The following LRRFIP2 variants were observed in gnomAD, a reference collection of about 807,000 sequenced individuals.
LRRFIP2 encodes the protein leucine-rich repeat flightless-interacting protein 2.
A neutral mutation model predicts 125.9 loss-of-function variants in LRRFIP2; 109 were observed. The ratio of observed to expected loss-of-function variants is 0.87; its 90% CI spans 0.74 to 1.01. The LOEUF (loss-of-function observed/expected upper bound fraction) is 1.01. Among genes scored for constraint, LRRFIP2 ranks in the 50% least tolerant of loss-of-function variants. The probability of loss-of-function intolerance (pLI) is 0.00; values close to 1 mark genes in which losing one functional copy is unlikely to be tolerated. For missense variants in LRRFIP2, 850 were observed against 862.3 expected (o/e 0.99, Z 0.18); for synonymous variants, 291 against 293.1 (o/e 0.99, Z 0.07).
At chr3:37,140,653 C>CA (rs577510997) in intron 2 of LRRFIP2, among the ~76,000 whole-genome samples, 3,158 of 61,976 alleles carry the variant, frequency 0.051, 98 homozygotes, top group African/African-American at 0.14. Flanking sequence ...ATTCTGTCTC[C>CA]AAAAAAAAAA....
At chr3:37,154,014 A>AAAAAAAG (rs1442786474) in intron 1 of LRRFIP2, among the ~76,000 whole-genome samples, 1 of 52,488 alleles carries the variant, frequency 1.9e-5, no homozygotes, top group African/African-American at 7.4e-5. Context: ...CTGTCTTTAC[A>AAAAAAAG]AAAAAAAAAA....
chr3:37,160,506 G>A (rs902624339), intron 1 of LRRFIP2, among the ~76,000 whole-genome samples: 1 of 152,092 alleles, frequency 6.6e-6, no homozygotes, highest in Non-Finnish European at 1.5e-5. Flanking sequence ...AGGGTCGGGC[G>A]CAGTGTCTCA....
chr3:37,145,076 T>C (rs2095822697), intron 2 of LRRFIP2, among the ~76,000 whole-genome samples: 1 of 152,242 alleles, frequency 6.6e-6, no homozygotes, highest in Non-Finnish European at 1.5e-5. Context: ...TACTGCTCTA[T>C]TTCCTAGCAA....
At chr3:37,151,251 C>T (rs1446156123) in intron 1 of LRRFIP2, among the ~76,000 whole-genome samples, 4 of 151,702 alleles carry the variant, frequency 2.6e-5, no homozygotes, top group South Asian at 4.2e-4. Context: ...CCCAGGTACT[C>T]GGGAGGCTGA....
chr3:37,066,277 CTCGCTCATT>C lies in LRRFIP2; in HGVS notation c.1504_1512del (p.Asn502_Arg504del). The C allele has an allele frequency of 3.7e-6, 6 of 1,614,162 alleles. No homozygotes were observed. Among genetic ancestry groups the C allele is most frequent in the Non-Finnish European group, 5.1e-6 (6 of 1,179,988 alleles). On this transcript the variant is annotated inframe_deletion, in exon 22 of 28. Coordinates refer to ENST00000336686, the MANE Select transcript of LRRFIP2 (RefSeq NM_006309.4). ...TCAGCCAGCTCCTCTCTGAGCATATCTCGCTCATTCCTAAGGCAGGCAATGTATTCTTTC... is the reference window on the plus strand; with the variant it reads ...TCAGCCAGCTCCTCTCTGAGCATATCCCTAAGGCAGGCAATGTATTCTTTC...
At chr3:37,152,378 C>T (rs1323658049) in intron 1 of LRRFIP2, among the ~76,000 whole-genome samples, 2 of 152,156 alleles carry the variant, frequency 1.3e-5, no homozygotes, top group African/African-American at 4.8e-5. Flanking sequence ...ACTAAAATCT[C>T]AGAAATCACC....
chr3:37,065,468 A>T, intron 23 of LRRFIP2: 2 of 450,722 alleles, frequency 4.4e-6, no homozygotes, highest in South Asian at 3.2e-5. Flanking sequence ...AACACACTTG[A>T]GAAGTCTCCT....
intron 19 of LRRFIP2, among the ~76,000 whole-genome samples, chr3:37,083,306 C>G (rs947718556): frequency 6.6e-6 from 1 of 152,080 alleles, no homozygotes; most frequent in Non-Finnish European, 1.5e-5. Flanking sequence ...TGGAGCTTTG[C>G]GGGAGTTCCA....
chr3:37,112,856 A>T (rs1174922552), intron 8 of LRRFIP2, 59 bp downstream of exon 8: 1 of 940,546 alleles, frequency 1.1e-6, no homozygotes, highest in Admixed American at 2.0e-5. Context: ...AAGCAATCAT[A>T]ATCCTTAAGT....
chr3:37,086,562 T>C (rs1225108190), intron 18 of LRRFIP2, among the ~76,000 whole-genome samples: 1 of 152,100 alleles, frequency 6.6e-6, no homozygotes, highest in Non-Finnish European at 1.5e-5. Flanking sequence ...GACTGACAGA[T>C]AACATGACAT....
In LRRFIP2 at chr3:37,066,312, T is replaced by C. The variant is rs774611636; in HGVS notation, c.1478A>G (p.Gln493Arg). The change falls in exon 22 of 28, where the codon CAG (glutamine) becomes CGG (arginine). Residue 493 changes from glutamine to arginine, a missense_variant. Physicochemically the swap from Gln to Arg is conservative, Grantham distance 43. Transcript: ENST00000336686. ...KDKKIGALEK[Q>R]KEYIACLRNE... ...CCTAAGGCAGGCAATGTATTCTTTC[T>C]GTTTCTCTAGGGCCTGGTTTTAGGT... 1.2e-6 allele frequency: 2 copies of C among 1,614,094 alleles called. No homozygotes were observed. The highest frequency in any genetic ancestry group is 3.3e-5 in the Admixed American group (2 of 60,020).
At chr3:37,102,119 C>G (rs574022059) in intron 15 of LRRFIP2, among the ~76,000 whole-genome samples, 1 of 152,100 alleles carries the variant, frequency 6.6e-6, no homozygotes, top group Non-Finnish European at 1.5e-5. Context: ...AAGGAAAATA[C>G]TTTTTTTAAC....
chr3:37,095,631 T>A (rs2093678099), intron 16 of LRRFIP2, among the ~76,000 whole-genome samples: 1 of 151,978 alleles, frequency 6.6e-6, no homozygotes, highest in Admixed American at 6.6e-5. Flanking sequence ...AATTTTATAT[T>A]TATTATTTTT....
At chr3:37,152,989 T>C (rs777387444) in intron 1 of LRRFIP2, among the ~76,000 whole-genome samples, 13 of 152,186 alleles carry the variant, frequency 8.5e-5, no homozygotes, top group African/African-American at 2.7e-4. Flanking sequence ...AGAATAAAAA[T>C]AGATTTGGCT....
chr3:37,119,020 GA>G (rs1489276714), intron 6 of LRRFIP2, among the ~76,000 whole-genome samples: 1 of 152,150 alleles, frequency 6.6e-6, no homozygotes. Context: ...GGGTAAAACA[GA>G]AAAAGTTTTA....
At chr3:37,101,938 T>C (rs1352475756) in intron 15 of LRRFIP2, among the ~76,000 whole-genome samples, 1 of 152,152 alleles carries the variant, frequency 6.6e-6, no homozygotes, top group Non-Finnish European at 1.5e-5. Context: ...CTGATGAATG[T>C]GGGAGCAATG....
chr3:37,065,762 C>A, intron 23 of LRRFIP2, 48 bp downstream of exon 23: 1 of 1,613,444 alleles, frequency 6.2e-7, no homozygotes, highest in Non-Finnish European at 8.5e-7. Context: ...AGCAGAAAAC[C>A]CAATAGGGTA....
At chr3:37,095,938 A>C (rs962141251) in intron 16 of LRRFIP2, among the ~76,000 whole-genome samples, 2 of 152,180 alleles carry the variant, frequency 1.3e-5, no homozygotes, top group Admixed American at 6.6e-5. Flanking sequence ...TGAGCTACCT[A>C]GTCTGGCCTA....
chr3:37,171,084 C>CAAAA (rs1441402479), intron 1 of LRRFIP2: 1 of 152,272 alleles, frequency 6.6e-6, no homozygotes, highest in Non-Finnish European at 1.5e-5. Context: ...AAAACAAACA[C>CAAAA]ACAAACAAAC....
Sources: allele counts gnomAD v4.1 joint callset (sites outside exome capture counted in the v4.1 genomes callset), GRCh38; gene constraint gnomAD v4.1.1; transcripts MANE v1.5; gene names NCBI Gene and HGNC (gene_info 2026-07-23, HGNC 2026-07-21).